GAPVD1: variants seen among roughly 807,000 people sequenced by gnomAD.
GAPVD1 encodes GTPase activating protein and VPS9 domains 1, also known as GTPase-activating protein and VPS9 domain-containing protein 1.
Under a neutral mutation model 155.5 loss-of-function variants are expected in GAPVD1, and 35 were observed. The ratio of observed to expected loss-of-function variants is 0.23; its 90% confidence interval spans 0.17 to 0.30. The LOEUF (loss-of-function observed/expected upper bound fraction) is 0.30. Ranked by LOEUF, GAPVD1 falls within the 10% of genes least tolerant of loss-of-function variation. The pLI is 1.00. For synonymous variants in GAPVD1, 636 were observed against 619.7 expected, an observed-to-expected ratio of 1.03 and a Z score of -0.39; for missense variants, 1,429 against 1,775.7, an observed-to-expected ratio of 0.80 and a Z score of 3.51.
At chr9:125,280,888 T>C (rs1221228734) in intron 2 of GAPVD1, among the ~76,000 whole-genome samples, 1 of 152,116 alleles carries the variant, frequency 6.6e-6, no homozygotes, top group Non-Finnish European at 1.5e-5. Context: ...TGTTACTACT[T>C]CTAATAACCT....
intron 20 of GAPVD1, among the ~76,000 whole-genome samples, chr9:125,348,873 G>C (rs936365690): frequency 1.3e-5 from 2 of 152,182 alleles, no homozygotes; most frequent in African/African-American, 4.8e-5. Context: ...TTTGTTGCAT[G>C]TGTGATTTGG....
intron 11 of GAPVD1, 50 bp downstream of exon 11, chr9:125,323,973 T>C (rs1467151749): frequency 1.3e-6 from 2 of 1,548,200 alleles, no homozygotes; most frequent in African/African-American, 1.4e-5. Flanking sequence ...ATTTACCTGA[T>C]TGCAAGATGA....
intron 2 of GAPVD1, among the ~76,000 whole-genome samples, chr9:125,269,296 GT>G (rs918502633): frequency 6.7e-6 from 1 of 149,436 alleles, no homozygotes; most frequent in Non-Finnish European, 1.5e-5. Context: ...TTAGTTGAGT[GT>G]TTTTTTTTCC....
chr9:125,328,860 G>A (rs113306378), intron 12 of GAPVD1, among the ~76,000 whole-genome samples: 1 of 152,082 alleles, frequency 6.6e-6, no homozygotes, highest in Non-Finnish European at 1.5e-5. Flanking sequence ...CTCCCGGACG[G>A]GGCGGCTGGC....
chr9:125,353,879 A>G (rs1268161666), intron 23 of GAPVD1, among the ~76,000 whole-genome samples: 3 of 152,338 alleles, frequency 2.0e-5, no homozygotes, highest in Middle Eastern at 3.4e-3. Flanking sequence ...TCTAAGCAAC[A>G]TATTTGGATA....
intron 1 of GAPVD1, chr9:125,264,190 A>G: frequency 1.6e-6 from 1 of 629,292 alleles, no homozygotes; most frequent in South Asian, 1.8e-5. Flanking sequence ...GGATCAGGGT[A>G]GTCTTTTGTT....
intron 2 of GAPVD1, among the ~76,000 whole-genome samples, chr9:125,276,317 A>G (rs899732295): frequency 2.6e-5 from 4 of 152,350 alleles, no homozygotes; most frequent in East Asian, 3.9e-4. Context: ...ACGAAAAACC[A>G]AATAATACTG....
At chr9:125,346,714 C>G (rs1376502769) in intron 19 of GAPVD1, 105 bp from the exon 20 acceptor site, 2 of 901,612 alleles carry the variant, frequency 2.2e-6, no homozygotes, top group Admixed American at 1.7e-5. Flanking sequence ...CTTTTTAAGT[C>G]TTACCTCCTA....
rs538928921 is a variant in GAPVD1 at position 125,272,448 on chromosome 9, A to G, written c.-150+3464A>G. On this transcript the variant is annotated intron_variant, in intron 2 of 27. Transcript: ENST00000297933. ...ATATCTAACTATTGCAGGTTGTGAT[A>G]GGCCAACTTGGATTCTGACAAAGTA... is the stretch of plus-strand genomic sequence containing the variant. 9.8e-5 allele frequency among the ~76,000 whole-genome samples: 15 copies of G among 152,360 alleles called. 1 individual carries two copies. The South Asian group carries it at 3.1e-3, about 32-fold the overall frequency.
At chr9:125,346,212 A>G (rs928229264) in intron 19 of GAPVD1, 4 of 154,292 alleles carry the variant, frequency 2.6e-5, no homozygotes, top group Non-Finnish European at 5.8e-5. Context: ...CTCCCCAAGA[A>G]TGTCTAGATT....
At position 125,355,645 on chromosome 9, in the gene GAPVD1, C is replaced by G; in HGVS notation, c.3759C>G (p.Asp1253Glu). Residue 1253 changes from aspartate to glutamate, a missense_variant and splice_region_variant, in exon 25 of 28, where the codon GAC becomes GAG. By Grantham distance (45) the Asp-to-Glu change is conservative. Around this residue, in one of 4 missense-constraint regions of GAPVD1, gnomAD observed 699 missense variants for 826.0 expected, o/e 0.85. Transcript: ENST00000297933. ...KEKKIREFIQ[D>E]FQKLTAADDK... ...AAAAATTATTATTTTGCTTTGGAGA[C>G]TTTCAGAAACTCACCGCAGCTGACG... 1 of 1,589,800 alleles carries G rather than the reference C, an allele frequency of 6.3e-7. No homozygotes were observed. Among genetic ancestry groups the G allele is most frequent in the Non-Finnish European group, 8.6e-7 (1 of 1,161,466 alleles).
At chr9:125,278,218 T>C (rs1836129942) in intron 2 of GAPVD1, among the ~76,000 whole-genome samples, 1 of 152,148 alleles carries the variant, frequency 6.6e-6, no homozygotes, top group Non-Finnish European at 1.5e-5. Context: ...AAGTGGTGGA[T>C]AATTTAAAAT....
At chr9:125,357,961 C>T (rs1029420241) in intron 25 of GAPVD1, among the ~76,000 whole-genome samples, 4 of 150,414 alleles carry the variant, frequency 2.7e-5, no homozygotes, top group African/African-American at 4.9e-5. Context: ...GACAACAGAG[C>T]GAAGCTCTGT....
intron 14 of GAPVD1, 61 bp from the exon 15 acceptor site, chr9:125,332,449 T>A: frequency 7.4e-7 from 1 of 1,360,428 alleles, no homozygotes; most frequent in Non-Finnish European, 1.0e-6. Flanking sequence ...AAATTTCATA[T>A]ACTTTTTGTG....
At chr9:125,298,481 ATTTTTTTTTTTT>A (rs34644117) in intron 3 of GAPVD1, among the ~76,000 whole-genome samples, 30 of 89,262 alleles carry the variant, frequency 3.4e-4, no homozygotes, top group South Asian at 1.2e-3. Context: ...ATGTAACCTA[ATTTTTTTTTTTT>A]TTTTTTTTTT....
chr9:125,267,833 G>T (rs1011474241), intron 1 of GAPVD1, among the ~76,000 whole-genome samples: 2 of 152,114 alleles, frequency 1.3e-5, no homozygotes, highest in South Asian at 2.1e-4. Flanking sequence ...GGGATTACAG[G>T]CGTGAGCCAC....
chr9:125,358,962 C>T lies in GAPVD1; in HGVS notation c.3972-458C>T, dbSNP rs761625626. Among the ~76,000 whole-genome samples, 101 of 152,222 alleles carry T rather than the reference C, an allele frequency of 6.6e-4. 2 individuals are homozygous for T. Among genetic ancestry groups the T allele is most frequent in the Non-Finnish European group, 2.5e-4 (17 of 68,048 alleles). ...TGACACCTGTGTAGCTTAGGCAAGC[C>T]TTTTCCCTTTTTAAGCCTACTTCTC... On this transcript the variant is annotated intron_variant, in intron 25 of 27. Transcript: ENST00000297933.
chr9:125,343,386 A>T (rs1384345733), intron 19 of GAPVD1, among the ~76,000 whole-genome samples: 1 of 151,876 alleles, frequency 6.6e-6, no homozygotes, highest in Admixed American at 6.6e-5. Flanking sequence ...TAAAGTGAAA[A>T]TTTTTTTCAT....
In GAPVD1 at chr9:125,293,886, A is replaced by AATATATATAT. The variant is rs1564312302; in HGVS notation, c.-149-1572_-149-1571insATATATATAT. ...TATATATATATATATATATATATAT[A>AATATATATAT]TATATATATATATATATAAGTTTTT... On this transcript the variant is annotated intron_variant, in intron 2 of 27. Transcript: ENST00000297933. Among the ~76,000 whole-genome samples the AATATATATAT allele has an allele frequency of 1.2e-3, 122 of 98,228 alleles. 14 individuals carry two copies. The East Asian group carries it at 0.014, about 11-fold the overall frequency. The allele number at this position is 98,228 out of a possible 152,430, so 64.4% of individuals were successfully genotyped here.
Sources: allele counts gnomAD v4.1 joint callset (sites outside exome capture counted in the v4.1 genomes callset), GRCh38; gene constraint gnomAD v4.1.1; regional missense constraint gnomAD v4.1.1; transcripts MANE v1.5; gene names NCBI Gene and HGNC (gene_info 2026-07-23, HGNC 2026-07-21).